The following EOGT variants were observed in gnomAD, a reference collection of about 807,000 sequenced individuals.
The protein encoded by EOGT is EGF domain specific O-linked N-acetylglucosamine transferase, also known as EGF domain-specific O-linked N-acetylglucosamine transferase.
A neutral mutation model predicts 70.5 loss-of-function variants in EOGT; 55 were observed. The ratio of observed to expected loss-of-function variants is 0.78; its 90% CI spans 0.63 to 0.98. The LOEUF (loss-of-function observed/expected upper bound fraction) is 0.98, where lower values mean the gene tolerates loss of function less well. Ranked by LOEUF, EOGT falls within the 50% of genes least tolerant of loss-of-function variation. The pLI, the probability that EOGT is intolerant of heterozygous loss-of-function variation, is 0.00. For synonymous variants in EOGT, 246 were observed against 217.1 expected, an observed-to-expected ratio of 1.13 and a Z score of -1.17; for missense variants, 703 against 641.9, an observed-to-expected ratio of 1.10 and a Z score of -1.03.
At chr3:68,986,371 C>G (rs149672460) in intron 14 of EOGT, among the ~76,000 whole-genome samples, 1 of 152,100 alleles carries the variant, frequency 6.6e-6, no homozygotes, top group Non-Finnish European at 1.5e-5. Context: ...CTACCAACAA[C>G]GCCCTGCTTT....
chr3:68,994,132 GCA>G (rs1380258967), intron 10 of EOGT, among the ~76,000 whole-genome samples: 1 of 151,934 alleles, frequency 6.6e-6, no homozygotes, highest in Admixed American at 6.6e-5. Context: ...TTATATATAC[GCA>G]CACACACATA....
At chr3:68,991,851 C>T (rs983976759) in intron 10 of EOGT, among the ~76,000 whole-genome samples, 1 of 152,062 alleles carries the variant, frequency 6.6e-6, no homozygotes, top group Admixed American at 6.6e-5. Flanking sequence ...GGCCTCAGAA[C>T]CATGGCGGGA....
Position 68,977,581 on chromosome 3 carries a change from T to C in EOGT, c.*37A>G. On this transcript the variant is annotated 3_prime_UTR_variant, in exon 18 of 18. Transcript: ENST00000383701. ...AATTCTAAGTCTGGGTGTTGGAGTG[T>C]TTAAACACTCTCTTTTTGCAAACAG... 12 of 1,610,214 alleles carry C rather than the reference T, an allele frequency of 7.5e-6. No individual in the cohort carries two copies. Among genetic ancestry groups the C allele is most frequent in the Non-Finnish European group, 1.0e-5 (12 of 1,177,606 alleles).
intron 15 of EOGT, 94 bp from the exon 16 acceptor site, chr3:68,979,881 A>G (rs1455484800): frequency 8.6e-6 from 11 of 1,274,336 alleles, no homozygotes; most frequent in Non-Finnish European, 1.2e-5. Context: ...TATTTATAAA[A>G]GTGTATTGCC....
chr3:68,999,312 G>T (rs1014066116), intron 9 of EOGT, among the ~76,000 whole-genome samples: 1 of 152,164 alleles, frequency 6.6e-6, no homozygotes, highest in African/African-American at 2.4e-5. Flanking sequence ...ACTACTATTT[G>T]TAAGTTCACA....
chr3:68,994,622 T>C (rs1260662846), intron 10 of EOGT, among the ~76,000 whole-genome samples: 1 of 152,006 alleles, frequency 6.6e-6, no homozygotes, highest in Non-Finnish European at 1.5e-5. Flanking sequence ...TGAAACCCTG[T>C]CTCTACTAAA....
Position 68,988,394 on chromosome 3 carries a change from C to T in EOGT, c.997-13G>A. Reference sequence around the variant, plus strand: ...GACAGCCAGATATCTAAAATAAAAACACTGGTTCATATTACAATGAATACT... The same window carrying T: ...GACAGCCAGATATCTAAAATAAAAATACTGGTTCATATTACAATGAATACT... On this transcript the variant is annotated splice_polypyrimidine_tract_variant and intron_variant, in intron 12 of 17. Coordinates refer to ENST00000383701, the MANE Select transcript of EOGT (RefSeq NM_001278689.2). 1.3e-6 allele frequency: 2 copies of T among 1,529,440 alleles called. No individual in the cohort carries two copies. Among genetic ancestry groups the T allele is most frequent in the South Asian group, 1.2e-5 (1 of 83,808 alleles). The allele number at this position is 1,529,440 out of a possible 1,614,324, so 94.7% of individuals were successfully genotyped here. A position where few individuals can be genotyped will look rare whatever the true frequency, so the allele number is the denominator to read the frequency against.
chr3:68,987,634 C>T, intron 13 of EOGT, 121 bp from the exon 14 acceptor site: 1 of 720,950 alleles, frequency 1.4e-6, no homozygotes, highest in Non-Finnish European at 2.3e-6. Context: ...ATTAATAGAA[C>T]TCTTCTTTTT....
intron 17 of EOGT, 102 bp downstream of exon 17, chr3:68,978,231 T>A: frequency 1.2e-6 from 1 of 845,764 alleles, no homozygotes; most frequent in Non-Finnish European, 1.9e-6. Context: ...GAACAGTTTA[T>A]CTTTGCAGCA....
intron 14 of EOGT, among the ~76,000 whole-genome samples, chr3:68,983,875 A>G (rs2090724303): frequency 6.6e-6 from 1 of 152,236 alleles, no homozygotes; most frequent in African/African-American, 2.4e-5. Flanking sequence ...AGAGAAGAGA[A>G]TCACTTGAAC....
chr3:69,001,962 C>G (rs563373716), intron 8 of EOGT, among the ~76,000 whole-genome samples: 2 of 152,290 alleles, frequency 1.3e-5, no homozygotes, highest in South Asian at 4.1e-4. Flanking sequence ...GAGGCAGAGG[C>G]AGTCAGATCA....
rs771925127 is a variant in EOGT, at chr3:68,978,358, T to C, written c.1412A>G (p.Gln471Arg). ...CTTATCCTGAGGAAAGACTTTGTTCTGCCGTCGCCAAGTGATGTAGTGAAC... is the reference window on the plus strand; with the variant it reads ...CTTATCCTGAGGAAAGACTTTGTTCCGCCGTCGCCAAGTGATGTAGTGAAC... ...RGVHYITWRR[Q>R]NKVFPQDKGH... The change falls in exon 17 of 18, where the codon CAG becomes CGG. Residue 471 changes from glutamine to arginine, a missense_variant. Gln to Arg is a conservative substitution (Grantham distance 43, BLOSUM62 1). Coordinates refer to ENST00000383701, the MANE Select transcript of EOGT (RefSeq NM_001278689.2). 8.7e-6 allele frequency: 14 copies of C among 1,612,588 alleles called. No homozygotes were observed. In the South Asian group the frequency reaches 1.5e-4, roughly 18 times the overall value.
intron 10 of EOGT, among the ~76,000 whole-genome samples, chr3:68,994,859 GC>G (rs753759665): frequency 2.0e-5 from 3 of 152,182 alleles, no homozygotes; most frequent in Non-Finnish European, 2.9e-5. Context: ...TGGAAAGCCT[GC>G]CGTAATTTCT....
At chr3:68,993,497 A>C (rs1426917471) in intron 10 of EOGT, among the ~76,000 whole-genome samples, 1 of 152,160 alleles carries the variant, frequency 6.6e-6, no homozygotes, top group Non-Finnish European at 1.5e-5. Context: ...TATCACTATC[A>C]GCATTTTGGG....
intron 8 of EOGT, 146 bp from the exon 9 acceptor site, chr3:69,001,860 A>G (rs555673990): frequency 1.6e-6 from 1 of 619,208 alleles, no homozygotes; most frequent in African/African-American, 1.9e-5. Flanking sequence ...TCTAAAACTT[A>G]CTGACTTTTA....
At chr3:68,984,132 C>T (rs10049354) in intron 14 of EOGT, among the ~76,000 whole-genome samples, 52,993 of 151,868 alleles carry the variant, frequency 0.35, 9,446 homozygotes, top group East Asian at 0.51. Context: ...CCAGAACCTG[C>T]GTTCTTAACC....
In EOGT at chr3:68,987,449, T is replaced by C. The variant is rs1365276043; in HGVS notation, c.1148A>G (p.Asn383Ser). ...AAATGCATACCAAAAACTAACCTCATTTTGGTTAAGGATTTTCCGGTATTC... is the reference window on the plus strand; with the variant it reads ...AAATGCATACCAAAAACTAACCTCACTTTGGTTAAGGATTTTCCGGTATTC... Reference protein sequence around the residue: ...STEYRKILNQNELVNALKTVS... With the variant: ...STEYRKILNQSELVNALKTVS... Residue 383 changes from asparagine (N) to serine (S), a missense_variant, in exon 14 of 18, where the codon AAT becomes AGT. By Grantham distance (46) the Asn-to-Ser change is conservative (BLOSUM62 1). Transcript: ENST00000383701. The C allele has an allele frequency of 6.2e-7, 1 of 1,612,340 alleles. No homozygotes were observed. The highest frequency in any genetic ancestry group is 8.5e-7 in the Non-Finnish European group (1 of 1,178,842).
chr3:68,980,228 C>G (rs1559585433), intron 15 of EOGT, among the ~76,000 whole-genome samples: 1 of 152,178 alleles, frequency 6.6e-6, no homozygotes, highest in Admixed American at 6.5e-5. Context: ...TTGTGACACA[C>G]TAGCACTAAA....
Position 69,009,805 on chromosome 3 carries a change from G to C in EOGT, c.42C>G (p.Val14=). The change falls in exon 4 of 18, where the codon GTC becomes GTG. Residue 14 remains valine, a synonymous_variant. Coordinates refer to ENST00000383701, the MANE Select transcript of EOGT (RefSeq NM_001278689.2). ...GAGCTTCATTCTGACCACTCAGTGA[G>C]ACTTCATGAAGTAAGACTCCAAAGA... ...LFVFGVLLHE[V]SLSGQNEAPP... is the part of the protein sequence containing the mutation. The C allele has an allele frequency of 6.2e-7, 1 of 1,613,718 alleles. No homozygotes were observed. Among genetic ancestry groups the C allele is most frequent in the Non-Finnish European group, 8.5e-7 (1 of 1,179,932 alleles).
Sources: allele counts gnomAD v4.1 joint callset (sites outside exome capture counted in the v4.1 genomes callset), GRCh38; gene constraint gnomAD v4.1.1; transcripts MANE v1.5; gene names NCBI Gene and HGNC (gene_info 2026-07-23, HGNC 2026-07-21).